The following FBXW7 variants were observed in gnomAD, a reference collection of about 807,000 sequenced individuals.
FBXW7 encodes F-box/WD repeat-containing protein 7.
Under a neutral mutation model 86.3 loss-of-function variants are expected in FBXW7, and 11 were observed. That is an observed-to-expected ratio of 0.13 (90% CI 0.08 to 0.21). The LOEUF (loss-of-function observed/expected upper bound fraction) is 0.21, where lower values mean the gene tolerates loss of function less well. Ranked by LOEUF, FBXW7 falls within the 10% of genes least tolerant of loss-of-function variation. The pLI, the probability that FBXW7 is intolerant of heterozygous loss-of-function variation, is 1.00. For missense variants in FBXW7, 488 were observed against 847.4 expected, an observed-to-expected ratio of 0.58 and a Z score of 5.27; for synonymous variants, 313 against 297.9, an observed-to-expected ratio of 1.05 and a Z score of -0.52.
intron 4 of FBXW7, chr4:152,352,438 C>G (rs1235779882): frequency 6.2e-7 from 1 of 1,613,008 alleles, no homozygotes; most frequent in Non-Finnish European, 8.5e-7. Flanking sequence ...CACACACAAT[C>G]ACATAGCATA....
chr4:152,429,636 G>C (rs986807930), intron 2 of FBXW7, among the ~76,000 whole-genome samples: 10 of 152,142 alleles, frequency 6.6e-5, no homozygotes, highest in African/African-American at 1.7e-4. Flanking sequence ...TTTTGGCTCA[G>C]ACATATCTGA....
At chr4:152,398,911 A>C (rs190409617) in intron 4 of FBXW7, among the ~76,000 whole-genome samples, 20 of 152,140 alleles carry the variant, frequency 1.3e-4, no homozygotes, top group Admixed American at 1.3e-3. Flanking sequence ...AATTGATAAT[A>C]CTGTTTAAAG....
intron 4 of FBXW7, among the ~76,000 whole-genome samples, chr4:152,391,742 C>T (rs1197638842): frequency 2.0e-5 from 3 of 152,080 alleles, no homozygotes; most frequent in Non-Finnish European, 2.9e-5. Flanking sequence ...TTGTTACAGA[C>T]AAAACTAAGG....
chr4:152,327,242 C>T (rs1251219499), intron 11 of FBXW7, among the ~76,000 whole-genome samples: 1 of 151,994 alleles, frequency 6.6e-6, no homozygotes, highest in Non-Finnish European at 1.5e-5. Flanking sequence ...CAAATTTTAA[C>T]AGTATAGCAC....
chr4:152,391,123 A>G (rs1735959770), intron 4 of FBXW7, among the ~76,000 whole-genome samples: 1 of 152,086 alleles, frequency 6.6e-6, no homozygotes, highest in Admixed American at 6.6e-5. Context: ...TCATTTATAT[A>G]ATTTTCAGTA....
At position 152,403,206 on chromosome 4, in the gene FBXW7, G is replaced by A. The variant is rs113133228; in HGVS notation, c.501+8097C>T. ...AGAATTATGTTTTAAGGCTGGGCAC[G>A]ATGGCTCATGCCTGTAATCCCAGCA... On this transcript the variant is annotated intron_variant, in intron 4 of 13. Transcript: ENST00000281708. Among the ~76,000 whole-genome samples the A allele has an allele frequency of 2.6e-5, 4 of 152,324 alleles. 1 individual carries two copies. The highest frequency in any genetic ancestry group is 2.1e-4 in the South Asian group (1 of 4,828).
chr4:152,535,804 C>G lies in FBXW7; in HGVS notation c.-890G>C, dbSNP rs1362113630. ...AGCCGCCTCCCTGCCCCCCAAGCCG[C>G]CGGCTCCGGCTCAGGCTCGGGCTCC... is the stretch of plus-strand genomic sequence containing the variant. On this transcript the variant is annotated 5_prime_UTR_variant, in exon 1 of 14. Coordinates refer to ENST00000281708, the MANE Select transcript of FBXW7 (RefSeq NM_001349798.2). 2.5e-6 allele frequency: 1 copy of G among 393,620 alleles called. No homozygotes were observed. Among genetic ancestry groups the G allele is most frequent in the Non-Finnish European group, 4.5e-6 (1 of 222,912 alleles). The allele number at this position is 393,620 out of a possible 1,614,324, so 24.4% of individuals were successfully genotyped here.
chr4:152,520,171 C>T (rs1044429509), intron 2 of FBXW7, among the ~76,000 whole-genome samples: 6 of 152,102 alleles, frequency 3.9e-5, no homozygotes, highest in Non-Finnish European at 8.8e-5. Context: ...CGGTGGCTCA[C>T]GCCTGTAATC....
At chr4:152,441,490 A>G (rs999214419) in intron 2 of FBXW7, among the ~76,000 whole-genome samples, 1 of 152,180 alleles carries the variant, frequency 6.6e-6, no homozygotes, top group Non-Finnish European at 1.5e-5. Flanking sequence ...GAAGTCTCAT[A>G]AATAGGAAGA....
In FBXW7 at chr4:152,364,335, A is replaced by G. The variant is rs142517616; in HGVS notation, c.502-14211T>C. Among the ~76,000 whole-genome samples the G allele has an allele frequency of 3.5e-3, 538 of 152,310 alleles. 1 individual carries two copies. Among genetic ancestry groups the G allele is most frequent in the Middle Eastern group, 0.014 (4 of 294 alleles). ...GCTTTATTTCCCTAAAATATGAAATAAAAGAGAGCTGAAAACACAAACATC... is the reference window on the plus strand; with the variant it reads ...GCTTTATTTCCCTAAAATATGAAATGAAAGAGAGCTGAAAACACAAACATC... On this transcript the variant is annotated intron_variant, in intron 4 of 13. Coordinates refer to ENST00000281708, the MANE Select transcript of FBXW7 (RefSeq NM_001349798.2).
At chr4:152,498,759 T>C (rs1746621613) in intron 2 of FBXW7, among the ~76,000 whole-genome samples, 1 of 151,896 alleles carries the variant, frequency 6.6e-6, no homozygotes, top group South Asian at 2.1e-4. Context: ...TTCATAACAA[T>C]AGTGGAGCTC....
At chr4:152,340,918 C>T (rs1302626387) in intron 6 of FBXW7, among the ~76,000 whole-genome samples, 1 of 152,186 alleles carries the variant, frequency 6.6e-6, no homozygotes, top group Admixed American at 6.5e-5. Context: ...GTTACTCAGG[C>T]CAAGAAGTCT....
intron 2 of FBXW7, among the ~76,000 whole-genome samples, chr4:152,463,898 A>G (rs2149636867): frequency 6.6e-6 from 1 of 152,378 alleles, no homozygotes; most frequent in East Asian, 1.9e-4. Flanking sequence ...AAGAAAACAA[A>G]CATTTAGCCA....
intron 2 of FBXW7, chr4:152,489,182 A>T (rs1745617118): frequency 6.5e-6 from 1 of 153,350 alleles, no homozygotes; most frequent in Admixed American, 6.5e-5. Context: ...TCATGTATGT[A>T]AGGAATTATT....
chr4:152,349,375 A>G (rs1731583296), intron 5 of FBXW7, among the ~76,000 whole-genome samples: 1 of 151,890 alleles, frequency 6.6e-6, no homozygotes, highest in Non-Finnish European at 1.5e-5. Context: ...ATTCCAAGTG[A>G]CATTCAAAGC....
intron 2 of FBXW7, among the ~76,000 whole-genome samples, chr4:152,438,304 C>A (rs1424624127): frequency 1.3e-5 from 2 of 152,190 alleles, no homozygotes; most frequent in Non-Finnish European, 2.9e-5. Flanking sequence ...ACAATAAATT[C>A]TTGTGACTAA....
At chr4:152,402,665 T>C (rs943627598) in intron 4 of FBXW7, among the ~76,000 whole-genome samples, 5 of 152,162 alleles carry the variant, frequency 3.3e-5, no homozygotes, top group Non-Finnish European at 1.5e-5. Flanking sequence ...TCATCTCCAT[T>C]ATGGGGTTAA....
At chr4:152,473,068 G>A (rs947446965) in intron 2 of FBXW7, among the ~76,000 whole-genome samples, 5 of 152,006 alleles carry the variant, frequency 3.3e-5, no homozygotes, top group South Asian at 2.1e-4. Flanking sequence ...GGGAGACCCC[G>A]TCTCTATGAA....
intron 4 of FBXW7, among the ~76,000 whole-genome samples, chr4:152,385,683 T>C (rs1373443957): frequency 6.6e-6 from 1 of 151,964 alleles, no homozygotes; most frequent in Non-Finnish European, 1.5e-5. Flanking sequence ...ACCTCAAATG[T>C]GGAGTTTTTT....
Sources: allele counts gnomAD v4.1 joint callset (sites outside exome capture counted in the v4.1 genomes callset), GRCh38; gene constraint gnomAD v4.1.1; transcripts MANE v1.5; gene names NCBI Gene and HGNC (gene_info 2026-07-23, HGNC 2026-07-21).